The following WWOX variants were observed in gnomAD, a reference collection of about 807,000 sequenced individuals.
The protein encoded by WWOX is WW domain-containing oxidoreductase.
WWOX carries 69 observed loss-of-function variants against 46.2 expected under a neutral mutation model. The observed-to-expected ratio is 1.49, with a 90% CI of 1.23 to 1.82. WWOX has a LOEUF of 1.82. Among genes scored for constraint, WWOX ranks in the 40% most tolerant of loss-of-function variants. The pLI, the probability that WWOX is intolerant of heterozygous loss-of-function variation, is 0.00. For synonymous variants in WWOX, 359 were observed against 202.6 expected, an observed-to-expected ratio of 1.77 and a Z score of -6.56; for missense variants, 919 against 542.6, an observed-to-expected ratio of 1.69 and a Z score of -6.89.
At chr16:78,514,434 T>C (rs964874822) in intron 8 of WWOX, among the ~76,000 whole-genome samples, 1 of 152,220 alleles carries the variant, frequency 6.6e-6, no homozygotes, top group Non-Finnish European at 1.5e-5. Flanking sequence ...AAAGGATAGA[T>C]ACATTTTCCA....
intron 8 of WWOX, among the ~76,000 whole-genome samples, chr16:78,743,501 T>A (rs1283807075): frequency 6.6e-6 from 1 of 152,104 alleles, no homozygotes; most frequent in Non-Finnish European, 1.5e-5. Flanking sequence ...GAACAGGATC[T>A]GGAGGCAGGG....
At chr16:79,189,937 G>A (rs7186097) in intron 8 of WWOX, among the ~76,000 whole-genome samples, 40,826 of 149,494 alleles carry the variant, frequency 0.27, 5,885 homozygotes, top group Middle Eastern at 0.47. Context: ...GTGGGGAAGG[G>A]GGGGGGGATA....
chr16:78,832,658 GTGTGAATCCA>G (rs1237472615), intron 8 of WWOX, among the ~76,000 whole-genome samples: 1 of 152,146 alleles, frequency 6.6e-6, no homozygotes, highest in Non-Finnish European at 1.5e-5. Context: ...CATCCTGCTA[GTGTGAATCCA>G]TGTCCTGTGG....
intron 8 of WWOX, among the ~76,000 whole-genome samples, chr16:79,061,122 TCA>T (rs1353011710): frequency 6.6e-6 from 1 of 152,190 alleles, no homozygotes; most frequent in Non-Finnish European, 1.5e-5. Flanking sequence ...GCCATGGTGC[TCA>T]CAGTCTCTCA....
intron 8 of WWOX, among the ~76,000 whole-genome samples, chr16:78,460,904 A>G (rs1056455860): frequency 2.6e-5 from 4 of 152,334 alleles, no homozygotes; most frequent in East Asian, 1.9e-4. Flanking sequence ...CTGGAGAATA[A>G]TTCTGAAGAA....
chr16:78,687,087 C>G (rs1309033975), intron 8 of WWOX, among the ~76,000 whole-genome samples: 2 of 125,688 alleles, frequency 1.6e-5, no homozygotes, highest in Non-Finnish European at 3.7e-5. Flanking sequence ...TCATTTAAAA[C>G]ACATTTTTTT....
intron 8 of WWOX, among the ~76,000 whole-genome samples, chr16:79,148,739 A>G (rs1023615635): frequency 6.6e-6 from 1 of 152,118 alleles, no homozygotes; most frequent in African/African-American, 2.4e-5. Flanking sequence ...ATTTAGTATA[A>G]ACCCACTGGA....
chr16:78,751,431 T>TTATCAGATTATATATATATA, intron 8 of WWOX, among the ~76,000 whole-genome samples: 1 of 139,746 alleles, frequency 7.2e-6, no homozygotes, highest in African/African-American at 2.7e-5. Context: ...ATATATATAT[T>TTATCAGATTATATATATATA]TATCAGATTA....
intron 5 of WWOX, chr16:78,167,011 A>G (rs1403359846): frequency 6.6e-6 from 1 of 152,200 alleles, no homozygotes; most frequent in Non-Finnish European, 1.5e-5. Context: ...TGAAACTAGA[A>G]AGGTAAAATT....
At chr16:79,083,431 A>G (rs1296700472) in intron 8 of WWOX, among the ~76,000 whole-genome samples, 2 of 152,118 alleles carry the variant, frequency 1.3e-5, no homozygotes, top group African/African-American at 4.8e-5. Flanking sequence ...GGCCATTACT[A>G]ATGTCAAGAA....
intron 8 of WWOX, among the ~76,000 whole-genome samples, chr16:78,623,775 A>G (rs139639971): frequency 1.3e-5 from 2 of 151,496 alleles, no homozygotes; most frequent in African/African-American, 2.4e-5. Flanking sequence ...GGAAAGTTCT[A>G]TTTTTCATTA....
chr16:78,481,598 C>G (rs1409184656), intron 8 of WWOX, among the ~76,000 whole-genome samples: 1 of 150,568 alleles, frequency 6.6e-6, no homozygotes, highest in African/African-American at 2.5e-5. Context: ...ATCCTGATAT[C>G]AGCACGTGGT....
intron 8 of WWOX, among the ~76,000 whole-genome samples, chr16:78,648,374 G>A (rs1013177140): frequency 6.6e-6 from 1 of 152,182 alleles, no homozygotes; most frequent in African/African-American, 2.4e-5. Flanking sequence ...TGCACTTACT[G>A]CTTTGGGGAA....
chr16:79,100,579 A>G (rs1460152755), intron 8 of WWOX, among the ~76,000 whole-genome samples: 2 of 152,112 alleles, frequency 1.3e-5, no homozygotes, highest in Non-Finnish European at 2.9e-5. Flanking sequence ...CTCTTTTCCT[A>G]TACAAGTCAC....
chr16:78,213,250 CA>C (rs3041524), intron 5 of WWOX, among the ~76,000 whole-genome samples: 30,193 of 96,938 alleles, frequency 0.31, 3,194 homozygotes, highest in Admixed American at 0.34. Context: ...GACTGTATCT[CA>C]AAAAAAAAAA....
At position 78,344,919 on chromosome 16, in the gene WWOX, T is replaced by C. The variant is rs1412392913; in HGVS notation, c.517-41941T>C. ...ACTGCTTGTGTTCCATTCTTGATCC[T>C]ATCACTTCCTTGCTGCGGGAACTCT... On this transcript the variant is annotated intron_variant, in intron 5 of 8. Transcript: ENST00000566780. Among the ~76,000 whole-genome samples the C allele has an allele frequency of 1.7e-5, 2 of 121,088 alleles. 1 individual carries two copies. Among genetic ancestry groups the C allele is most frequent in the Non-Finnish European group, 3.9e-5 (2 of 50,698 alleles). 79.4% of individuals were successfully genotyped at this position (121,088 alleles called of 152,430 possible).
intron 8 of WWOX, among the ~76,000 whole-genome samples, chr16:78,731,536 C>T (rs147250791): frequency 1.6e-3 from 245 of 152,248 alleles, no homozygotes; most frequent in Middle Eastern, 6.8e-3. Context: ...TTCATTCCTT[C>T]TTATCTATCC....
chr16:79,124,781 A>C (rs923910231), intron 8 of WWOX, among the ~76,000 whole-genome samples: 1 of 152,208 alleles, frequency 6.6e-6, no homozygotes, highest in African/African-American at 2.4e-5. Flanking sequence ...AAAGTGTGCA[A>C]TTTTGCAAGC....
chr16:78,322,813 G>T (rs991942704), intron 5 of WWOX, among the ~76,000 whole-genome samples: 1 of 152,198 alleles, frequency 6.6e-6, no homozygotes, highest in Admixed American at 6.5e-5. Flanking sequence ...AGCCATGGAC[G>T]CTACGTAAGA....
Sources: gnomAD v4.1 joint callset for allele counts (sites outside exome capture counted in the v4.1 genomes callset) on GRCh38, gnomAD v4.1.1 for gene constraint, MANE v1.5 for transcripts, NCBI Gene and HGNC (gene_info 2026-07-23, HGNC 2026-07-21) for gene names.